Variants in FOXN3 observed in about 807,000 individuals in gnomAD.
FOXN3 encodes the protein forkhead box protein N3.
FOXN3 carries 7 observed loss-of-function variants against 38.4 expected under a neutral mutation model. The ratio of observed to expected loss-of-function variants is 0.18; its 90% CI spans 0.10 to 0.34. FOXN3 has a LOEUF of 0.34. FOXN3 is among the 10% of genes least tolerant of loss of function. The pLI is 1.00. For synonymous variants in FOXN3, 230 were observed against 242.2 expected (o/e 0.95, Z 0.47); for missense variants, 456 against 613.4 (o/e 0.74, Z 2.71).
At chr14:89,606,714 GT>G (rs1896282815) in intron 1 of FOXN3, among the ~76,000 whole-genome samples, 1 of 152,174 alleles carries the variant, frequency 6.6e-6, no homozygotes, top group Non-Finnish European at 1.5e-5. Flanking sequence ...GCTGGGTGTG[GT>G]GGCGCACGCC....
intron 4 of FOXN3, among the ~76,000 whole-genome samples, chr14:89,263,127 A>C (rs1274737480): frequency 2.0e-5 from 3 of 152,220 alleles, no homozygotes; most frequent in Non-Finnish European, 1.5e-5. Context: ...ATAGTTTATA[A>C]AACAATTACT....
intron 4 of FOXN3, among the ~76,000 whole-genome samples, chr14:89,211,930 A>G (rs961485121): frequency 6.6e-6 from 1 of 152,166 alleles, no homozygotes; most frequent in Admixed American, 6.5e-5. Context: ...GCCCTTTGGG[A>G]GGTGATAGAG....
chr14:89,273,920 G>A (rs1486980501), intron 4 of FOXN3, among the ~76,000 whole-genome samples: 2 of 152,210 alleles, frequency 1.3e-5, no homozygotes, highest in Non-Finnish European at 1.5e-5. Flanking sequence ...TGGGGGGAAT[G>A]GAGAGAGGTT....
rs1404655718 is a variant in FOXN3, at chr14:89,160,971, A to G, written c.*1443T>C. 1 of 152,220 alleles carries G rather than the reference A, an allele frequency of 6.6e-6. No individual in the cohort carries two copies. The highest frequency in any genetic ancestry group is 2.4e-5 in the African/African-American group (1 of 41,474). 9.4% of individuals were successfully genotyped at this position (152,220 alleles called of 1,614,324 possible). ...GGAAAGAAAAAAGAAGAAAACCAAA[A>G]GAAACTCTAAGCCTAAGGGCTTAAA... On this transcript the variant is annotated 3_prime_UTR_variant, in exon 6 of 6. Transcript: ENST00000557258.
At chr14:89,224,524 T>A (rs1884569680) in intron 4 of FOXN3, among the ~76,000 whole-genome samples, 2 of 152,344 alleles carry the variant, frequency 1.3e-5, no homozygotes, top group Admixed American at 1.3e-4. Context: ...TGATGTGATA[T>A]GTTTTAGTTT....
intron 1 of FOXN3, among the ~76,000 whole-genome samples, chr14:89,558,971 C>G (rs1266939981): frequency 6.6e-6 from 1 of 152,146 alleles, no homozygotes; most frequent in Non-Finnish European, 1.5e-5. Flanking sequence ...GCATTCTTGC[C>G]CACCCTTTCT....
At chr14:89,396,598 G>A (rs1891104986) in intron 2 of FOXN3, among the ~76,000 whole-genome samples, 1 of 152,176 alleles carries the variant, frequency 6.6e-6, no homozygotes, top group Non-Finnish European at 1.5e-5. Flanking sequence ...ACTTTGGGAG[G>A]CGAGGCGGGT....
intron 3 of FOXN3, among the ~76,000 whole-genome samples, chr14:89,339,661 G>A (rs566263234): frequency 2.0e-5 from 3 of 152,196 alleles, no homozygotes; most frequent in Non-Finnish European, 4.4e-5. Flanking sequence ...CCAGAGTCAC[G>A]CTTTGAGAGC....
chr14:89,396,965 T>C (rs576612158), intron 2 of FOXN3, among the ~76,000 whole-genome samples: 2 of 152,248 alleles, frequency 1.3e-5, no homozygotes, highest in African/African-American at 2.4e-5. Context: ...CTGTGGCCTT[T>C]TTCTCCATAA....
At chr14:89,562,945 T>A (rs547094026) in intron 1 of FOXN3, among the ~76,000 whole-genome samples, 113 of 152,276 alleles carry the variant, frequency 7.4e-4, no homozygotes, top group African/African-American at 2.6e-3. Context: ...GAGTGGTCAG[T>A]GAGAATTTTA....
chr14:89,480,403 C>CA (rs11306346), intron 1 of FOXN3, among the ~76,000 whole-genome samples: 12,439 of 144,762 alleles, frequency 0.086, 545 homozygotes, highest in Middle Eastern at 0.12. Context: ...AACTCTATCT[C>CA]AAAAAAAAAA....
intron 1 of FOXN3, among the ~76,000 whole-genome samples, chr14:89,506,551 G>A (rs1283956232): frequency 2.0e-5 from 3 of 151,030 alleles, no homozygotes; most frequent in African/African-American, 7.3e-5. Context: ...GGAGGTGAGG[G>A]GCGCCTCTGC....
chr14:89,231,226 AT>A (rs894742065), intron 4 of FOXN3, among the ~76,000 whole-genome samples: 17 of 152,186 alleles, frequency 1.1e-4, no homozygotes, highest in African/African-American at 3.9e-4. Flanking sequence ...AAAAAAAAGT[AT>A]CTGTTCGCCA....
chr14:89,347,655 T>C (rs544938452), intron 3 of FOXN3, among the ~76,000 whole-genome samples: 76 of 152,200 alleles, frequency 5.0e-4, no homozygotes, highest in Middle Eastern at 3.2e-3. Context: ...AAGGGCACTT[T>C]AGAAAACAGA....
chr14:89,590,822 T>C (rs1390877860), intron 1 of FOXN3, among the ~76,000 whole-genome samples: 1 of 152,174 alleles, frequency 6.6e-6, no homozygotes, highest in African/African-American at 2.4e-5. Flanking sequence ...ATTCTCTGAT[T>C]TACCTTGTCT....
chr14:89,266,515 C>T (rs1885985104), intron 4 of FOXN3, among the ~76,000 whole-genome samples: 1 of 152,060 alleles, frequency 6.6e-6, no homozygotes, highest in Admixed American at 6.6e-5. Flanking sequence ...GCAATTCAGT[C>T]CATAACAGTA....
chr14:89,212,997 G>C (rs8021696), intron 4 of FOXN3, among the ~76,000 whole-genome samples: 7,462 of 152,252 alleles, frequency 0.049, 443 homozygotes, highest in African/African-American at 0.14. Context: ...GTTTTACAAG[G>C]TTAGTAGAGG....
chr14:89,564,698 C>G (rs971657870), intron 1 of FOXN3, among the ~76,000 whole-genome samples: 7 of 152,156 alleles, frequency 4.6e-5, no homozygotes, highest in African/African-American at 7.2e-5. Flanking sequence ...CTCGGAACCT[C>G]AGAATGTGAC....
At chr14:89,370,618 C>T (rs774385429) in intron 2 of FOXN3, among the ~76,000 whole-genome samples, 10 of 152,210 alleles carry the variant, frequency 6.6e-5, no homozygotes, top group Non-Finnish European at 1.3e-4. Context: ...GTGTGTGCTA[C>T]TTTAGAAATG....
Sources: allele counts gnomAD v4.1 joint callset (sites outside exome capture counted in the v4.1 genomes callset), GRCh38; gene constraint gnomAD v4.1.1; transcripts MANE v1.5; gene names NCBI Gene and HGNC (gene_info 2026-07-23, HGNC 2026-07-21).